The following ADAMTS19 variants were observed in gnomAD, a reference collection of about 807,000 sequenced individuals.
ADAMTS19 encodes the protein ADAM metallopeptidase with thrombospondin type 1 motif 19, also known as A disintegrin and metalloproteinase with thrombospondin motifs 19.
ADAMTS19 carries 93 observed loss-of-function variants against 153.3 expected under a neutral mutation model. The ratio of observed to expected loss-of-function variants is 0.61; its 90% CI spans 0.51 to 0.72. The LOEUF is 0.72. Ranked by LOEUF, ADAMTS19 falls within the 30% of genes least tolerant of loss-of-function variation. ADAMTS19 has a pLI of 0.00. For synonymous variants in ADAMTS19, 600 were observed against 556.6 expected, an observed-to-expected ratio of 1.08 and a Z score of -1.10; for missense variants, 1,482 against 1,552.1, an observed-to-expected ratio of 0.95 and a Z score of 0.76.
chr5:129,666,217 A>C (rs1285138365), intron 16 of ADAMTS19, among the ~76,000 whole-genome samples: 1 of 151,302 alleles, frequency 6.6e-6, no homozygotes, highest in Non-Finnish European at 1.5e-5. Flanking sequence ...AAATATATGA[A>C]AAAAATACTA....
rs1749603782 is a variant in ADAMTS19 at position 129,460,374 on chromosome 5, C to A, written c.-18C>A. The A allele has an allele frequency of 6.2e-7, 1 of 1,609,314 alleles. No individual in the cohort carries two copies. The highest frequency in any genetic ancestry group is 1.3e-5 in the African/African-American group (1 of 74,792). Reference sequence around the variant, plus strand: ...GAGGCGTGCGCCGGGCGAGAAGCCGCGGCCGCGGGAGCGCAGTATGGGGAA... The same window carrying A: ...GAGGCGTGCGCCGGGCGAGAAGCCGAGGCCGCGGGAGCGCAGTATGGGGAA... On this transcript the variant is annotated 5_prime_UTR_variant, in exon 1 of 23. Coordinates refer to ENST00000274487, the MANE Select transcript of ADAMTS19 (RefSeq NM_133638.6).
chr5:129,473,093 A>C (rs2126654766), intron 2 of ADAMTS19, among the ~76,000 whole-genome samples: 1 of 151,950 alleles, frequency 6.6e-6, no homozygotes, highest in South Asian at 2.1e-4. Flanking sequence ...TCAAATGACA[A>C]AAAAATAAAA....
Position 129,648,789 on chromosome 5 carries a change from C to T in ADAMTS19, c.2004-9C>T, listed in dbSNP as rs1330994273. Reference sequence around the variant, plus strand: ...ACATAAAATTGATTATTTGTACTTTCTTTTCTAGGCTAGATTCTGAAGCAA... The same window carrying T: ...ACATAAAATTGATTATTTGTACTTTTTTTTCTAGGCTAGATTCTGAAGCAA... On this transcript the variant is annotated splice_polypyrimidine_tract_variant and intron_variant, in intron 12 of 22. Coordinates refer to ENST00000274487, the MANE Select transcript of ADAMTS19 (RefSeq NM_133638.6). The T allele has an allele frequency of 1.2e-6, 2 of 1,608,976 alleles. No homozygotes were observed. The highest frequency in any genetic ancestry group is 1.7e-6 in the Non-Finnish European group (2 of 1,178,310).
intron 15 of ADAMTS19, among the ~76,000 whole-genome samples, chr5:129,660,171 C>T (rs564277891): frequency 3.3e-5 from 5 of 152,036 alleles, no homozygotes; most frequent in African/African-American, 1.2e-4. Context: ...ATCTTAAAGC[C>T]GAGAAATGAG....
intron 7 of ADAMTS19, among the ~76,000 whole-genome samples, chr5:129,589,787 C>T (rs1047733231): frequency 1.3e-5 from 2 of 152,050 alleles, no homozygotes; most frequent in African/African-American, 4.8e-5. Context: ...TTTGTGAGCT[C>T]ATATTCAGTG....
chr5:129,687,586 ATAT>A (rs1173467009), intron 18 of ADAMTS19, among the ~76,000 whole-genome samples: 2 of 152,204 alleles, frequency 1.3e-5, no homozygotes, highest in Non-Finnish European at 2.9e-5. Flanking sequence ...GTCAGGAGAA[ATAT>A]TATCTATTCT....
intron 21 of ADAMTS19, among the ~76,000 whole-genome samples, chr5:129,722,798 C>A (rs1397482664): frequency 6.6e-6 from 1 of 152,094 alleles, no homozygotes; most frequent in East Asian, 1.9e-4. Context: ...TCACTTTTCT[C>A]GTGTTATTTA....
intron 3 of ADAMTS19, among the ~76,000 whole-genome samples, chr5:129,516,444 C>T (rs776268628): frequency 1.8e-4 from 28 of 151,514 alleles, no homozygotes; most frequent in Non-Finnish European, 3.3e-4. Flanking sequence ...CTTGACTTTA[C>T]GGGAAGACAT....
chr5:129,589,790 A>G (rs1167912237), intron 7 of ADAMTS19, among the ~76,000 whole-genome samples: 1 of 152,124 alleles, frequency 6.6e-6, no homozygotes, highest in Non-Finnish European at 1.5e-5. Flanking sequence ...GTGAGCTCAT[A>G]TTCAGTGGAA....
intron 7 of ADAMTS19, among the ~76,000 whole-genome samples, chr5:129,553,471 C>T (rs1753204268): frequency 6.6e-6 from 1 of 152,218 alleles, no homozygotes; most frequent in South Asian, 2.1e-4. Context: ...TTCTGATAAT[C>T]AGAGTATGTA....
chr5:129,527,616 CTTT>C (rs370814072), intron 4 of ADAMTS19, 129 bp from the exon 5 acceptor site: 13,482 of 176,712 alleles, frequency 0.076, 447 homozygotes, highest in Middle Eastern at 0.14. Context: ...GCTTTACAAG[CTTT>C]TTTTTTTTTT....
intron 14 of ADAMTS19, among the ~76,000 whole-genome samples, chr5:129,656,915 G>A (rs773243436): frequency 3.9e-5 from 6 of 152,172 alleles, no homozygotes; most frequent in Non-Finnish European, 5.9e-5. Context: ...ACCAGGGATA[G>A]AGCAATAAAG....
At chr5:129,708,130 A>G (rs1018737088) in intron 21 of ADAMTS19, among the ~76,000 whole-genome samples, 1 of 152,170 alleles carries the variant, frequency 6.6e-6, no homozygotes, top group African/African-American at 2.4e-5. Flanking sequence ...TGAGGGGGAA[A>G]AACAGATTAA....
At chr5:129,638,949 A>C (rs1752673340) in intron 10 of ADAMTS19, among the ~76,000 whole-genome samples, 1 of 152,198 alleles carries the variant, frequency 6.6e-6, no homozygotes, top group African/African-American at 2.4e-5. Flanking sequence ...GTAATATTTA[A>C]AAACCTATTT....
chr5:129,583,596 G>T (rs1223703950), intron 7 of ADAMTS19, among the ~76,000 whole-genome samples: 2 of 151,990 alleles, frequency 1.3e-5, no homozygotes, highest in East Asian at 3.9e-4. Flanking sequence ...TTTCTTGGAG[G>T]TTTTGTTCAT....
At position 129,596,647 on chromosome 5, in the gene ADAMTS19, T is replaced by C. The variant is rs199981937; in HGVS notation, c.1461T>C (p.Ala487=). 1.6e-5 allele frequency: 25 copies of C among 1,606,032 alleles called. No individual in the cohort carries two copies. In the East Asian group the frequency reaches 5.6e-4, roughly 36 times the overall value. The change falls in exon 8 of 23, where the codon GCT becomes GCC. Residue 487 remains alanine, a synonymous_variant. Transcript: ENST00000274487. The part of the protein sequence containing the change: ...DNGLNLAFTI[A]HEMGHNMGIN... ...GCTTGAATCTTGCTTTTACAATTGC[T>C]CATGAAATGGGTCACAAGTAAGTAA...
At chr5:129,726,980 A>G (rs1044324304) in intron 21 of ADAMTS19, among the ~76,000 whole-genome samples, 1 of 152,054 alleles carries the variant, frequency 6.6e-6, no homozygotes, top group African/African-American at 2.4e-5. Flanking sequence ...TTACTATTAC[A>G]TCCCAGTCTC....
chr5:129,527,193 A>G (rs1008615925), intron 4 of ADAMTS19, among the ~76,000 whole-genome samples: 1 of 151,936 alleles, frequency 6.6e-6, no homozygotes, highest in Non-Finnish European at 1.5e-5. Flanking sequence ...AACCTCATTC[A>G]AGGAAGAATC....
Position 129,639,005 on chromosome 5 carries a change from T to C in ADAMTS19, c.1771-2854T>C, listed in dbSNP as rs1368730573. On this transcript the variant is annotated intron_variant, in intron 10 of 22. Coordinates refer to ENST00000274487, the MANE Select transcript of ADAMTS19 (RefSeq NM_133638.6). ...TATTATATTCTTTTAATAAACTCTT[T>C]TTACTATAGAAGCATAACAAAGGAA... Among the ~76,000 whole-genome samples the C allele has an allele frequency of 1.2e-4, 18 of 152,212 alleles. 1 individual carries two copies. The highest frequency in any genetic ancestry group is 1.2e-3 in the Admixed American group (18 of 15,270).
Sources: gnomAD v4.1 joint callset for allele counts (sites outside exome capture counted in the v4.1 genomes callset) on GRCh38, gnomAD v4.1.1 for gene constraint, MANE v1.5 for transcripts, NCBI Gene and HGNC (gene_info 2026-07-23, HGNC 2026-07-21) for gene names.